Variants in CDIN1 observed in about 807,000 individuals in gnomAD.
CDIN1 encodes CDAN1 interacting nuclease 1, also known as CDAN1-interacting nuclease 1.
CDIN1 carries 33 observed loss-of-function variants against 45.3 expected under a neutral mutation model. The ratio of observed to expected loss-of-function variants is 0.73; its 90% CI spans 0.55 to 0.97. CDIN1 has a LOEUF of 0.97. Among genes scored for constraint, CDIN1 ranks in the 50% least tolerant of loss-of-function variants. The pLI is 0.00. For synonymous variants in CDIN1, 118 were observed against 124.4 expected (o/e 0.95, Z 0.34); for missense variants, 303 against 339.4 (o/e 0.89, Z 0.84).
Position 36,633,798 on chromosome 15 carries a change from C to T in CDIN1, c.102-10480C>T, listed in dbSNP as rs567590462. On this transcript the variant is annotated intron_variant, in intron 1 of 10. Coordinates refer to ENST00000566621, the MANE Select transcript of CDIN1 (RefSeq NM_001321759.2). ...CCTGAGACAGAGTCTCACTCTGTCA[C>T]CCAGGCTGGATTGCAGTGGTGGGAT... Among the ~76,000 whole-genome samples, 4 of 150,216 alleles carry T rather than the reference C, an allele frequency of 2.7e-5. No individual in the cohort carries two copies. In the South Asian group the frequency reaches 8.5e-4, roughly 32 times the overall value.
chr15:36,793,423 C>G (rs1365190581), intron 10 of CDIN1, among the ~76,000 whole-genome samples: 1 of 152,116 alleles, frequency 6.6e-6, no homozygotes, highest in African/African-American at 2.4e-5. Context: ...CAGTCCCTCC[C>G]GTGTTATCTT....
At chr15:36,719,713 A>G (rs1386820136) in intron 10 of CDIN1, among the ~76,000 whole-genome samples, 1 of 152,034 alleles carries the variant, frequency 6.6e-6, no homozygotes, top group Admixed American at 6.6e-5. Flanking sequence ...TTCTTCCTTA[A>G]ATTTTTGGTG....
rs115220009 is a variant in CDIN1, at chr15:36,775,614, C to G, written c.717-32710C>G. 4.3e-3 allele frequency among the ~76,000 whole-genome samples: 657 copies of G among 152,244 alleles called. 4 individuals are homozygous for G. The highest frequency in any genetic ancestry group is 0.015 in the African/African-American group (628 of 41,562). ...GTCTTGATGTACCTTTATTTTAAAA[C>G]AAAAAGGTGAATGTTACTCTGCCAA... On this transcript the variant is annotated intron_variant, in intron 10 of 10. Coordinates refer to ENST00000566621, the MANE Select transcript of CDIN1 (RefSeq NM_001321759.2).
chr15:36,656,034 A>G (rs1053421177), intron 4 of CDIN1, among the ~76,000 whole-genome samples: 1 of 152,216 alleles, frequency 6.6e-6, no homozygotes, highest in African/African-American at 2.4e-5. Flanking sequence ...GTAGTTGTTT[A>G]AAGACTTTTC....
At chr15:36,592,170 C>T (rs964861677) in intron 1 of CDIN1, among the ~76,000 whole-genome samples, 5 of 152,124 alleles carry the variant, frequency 3.3e-5, no homozygotes, top group Admixed American at 2.0e-4. Flanking sequence ...CAACATTTTC[C>T]TGGCCAAACA....
chr15:36,623,342 TCTTA>T (rs1465480964), intron 1 of CDIN1, among the ~76,000 whole-genome samples: 2 of 152,246 alleles, frequency 1.3e-5, no homozygotes, highest in Non-Finnish European at 2.9e-5. Context: ...TTGAGCATAT[TCTTA>T]CTTGAGACTG....
At chr15:36,768,289 G>T (rs965566161) in intron 10 of CDIN1, among the ~76,000 whole-genome samples, 1 of 152,224 alleles carries the variant, frequency 6.6e-6, no homozygotes, top group African/African-American at 2.4e-5. Context: ...CCAAGTCCTA[G>T]GATCCGTTTA....
intron 1 of CDIN1, among the ~76,000 whole-genome samples, chr15:36,640,181 T>C (rs1423436767): frequency 6.6e-6 from 1 of 152,172 alleles, no homozygotes; most frequent in East Asian, 1.9e-4. Flanking sequence ...TTGAATTCTG[T>C]TTTAATTTTA....
At position 36,619,226 on chromosome 15, in the gene CDIN1, G is replaced by A. The variant is rs571380302; in HGVS notation, c.102-25052G>A. ...GCTATACCTCAGGGAGTGACATGACGTAATGGCAAAGAGCAATATGTGCCA... is the reference window on the plus strand; with the variant it reads ...GCTATACCTCAGGGAGTGACATGACATAATGGCAAAGAGCAATATGTGCCA... On this transcript the variant is annotated intron_variant, in intron 1 of 10. Transcript: ENST00000566621. The A allele has an allele frequency of 9.1e-6, 12 of 1,313,688 alleles. No individual in the cohort carries two copies. The Admixed American group carries it at 1.7e-4, about 18-fold the overall frequency. 81.4% of individuals were successfully genotyped at this position (1,313,688 alleles called of 1,614,324 possible). A position where few individuals can be genotyped will look rare whatever the true frequency, so the allele number is the denominator to read the frequency against.
intron 1 of CDIN1, among the ~76,000 whole-genome samples, chr15:36,623,191 C>T (rs937997931): frequency 2.6e-5 from 4 of 151,804 alleles, no homozygotes; most frequent in Non-Finnish European, 2.9e-5. Flanking sequence ...GTATATATGC[C>T]AAGGGAAATG....
intron 10 of CDIN1, among the ~76,000 whole-genome samples, chr15:36,783,783 A>T (rs2054414937): frequency 6.6e-6 from 1 of 152,224 alleles, no homozygotes; most frequent in African/African-American, 2.4e-5. Context: ...TGTACCACAA[A>T]GCCAGCTAAA....
intron 9 of CDIN1, 81 bp from the exon 10 acceptor site, chr15:36,709,775 G>T: frequency 9.8e-7 from 1 of 1,018,642 alleles, no homozygotes; most frequent in Non-Finnish European, 1.6e-6. Context: ...TTAATGTGAA[G>T]CATAGAGAGG....
Position 36,651,652 on chromosome 15 carries a change from C to T in CDIN1, c.213-2446C>T, listed in dbSNP as rs141228575. ...GATCCACCATGTTCAATGTATGTGG[C>T]ACCTCACTAGGCCTCGAGGGATCAG... On this transcript the variant is annotated intron_variant, in intron 3 of 10. Coordinates refer to ENST00000566621, the MANE Select transcript of CDIN1 (RefSeq NM_001321759.2). 0.01 allele frequency among the ~76,000 whole-genome samples: 1,583 copies of T among 152,256 alleles called. 47 individuals are homozygous for T. In the South Asian group the frequency reaches 0.11, roughly 10 times the overall value.
intron 1 of CDIN1, among the ~76,000 whole-genome samples, chr15:36,594,649 G>T (rs568601616): frequency 1.3e-5 from 2 of 152,212 alleles, no homozygotes; most frequent in Admixed American, 6.5e-5. Context: ...TCTGACAAGG[G>T]ACTTTGAATT....
intron 5 of CDIN1, among the ~76,000 whole-genome samples, chr15:36,666,609 G>GA (rs1366797231): frequency 1.3e-5 from 2 of 152,100 alleles, no homozygotes; most frequent in East Asian, 1.9e-4. Flanking sequence ...TCTGTATTTA[G>GA]ATTTCCTTTT....
At chr15:36,611,779 A>AGT (rs2038662235) in intron 1 of CDIN1, among the ~76,000 whole-genome samples, 1 of 152,182 alleles carries the variant, frequency 6.6e-6, no homozygotes, top group African/African-American at 2.4e-5. Flanking sequence ...AATGAATATC[A>AGT]AGTTGTTTTT....
intron 1 of CDIN1, among the ~76,000 whole-genome samples, chr15:36,587,638 C>G (rs895511649): frequency 2.0e-5 from 3 of 152,114 alleles, no homozygotes; most frequent in African/African-American, 7.2e-5. Flanking sequence ...CAATCCCTCC[C>G]ACCCCCAATA....
chr15:36,676,296 C>T (rs1378913828), intron 5 of CDIN1, among the ~76,000 whole-genome samples: 1 of 152,118 alleles, frequency 6.6e-6, no homozygotes, highest in Non-Finnish European at 1.5e-5. Flanking sequence ...CGAAAAAGAA[C>T]ACACTTTTGT....
intron 10 of CDIN1, among the ~76,000 whole-genome samples, chr15:36,739,653 C>T (rs1046686828): frequency 2.0e-5 from 3 of 152,182 alleles, no homozygotes; most frequent in African/African-American, 7.2e-5. Context: ...TTAACCATTA[C>T]TGGCAAGTAT....
Sources: allele counts gnomAD v4.1 joint callset (sites outside exome capture counted in the v4.1 genomes callset), GRCh38; gene constraint gnomAD v4.1.1; transcripts MANE v1.5; gene names NCBI Gene and HGNC (gene_info 2026-07-23, HGNC 2026-07-21).